The following ZNF782 variants were observed in gnomAD, a reference collection of about 807,000 sequenced individuals.
ZNF782 encodes the protein zinc finger protein 782.
Under a neutral mutation model 13.0 loss-of-function variants are expected in ZNF782, and 12 were observed. That is an observed-to-expected ratio of 0.92 (90% CI 0.59 to 1.50). The LOEUF is 1.50. ZNF782 is among the 40% of genes most tolerant of loss of function. ZNF782 has a pLI of 0.00. For synonymous variants in ZNF782, 284 were observed against 283.0 expected, an observed-to-expected ratio of 1.00 and a Z score of -0.04; for missense variants, 770 against 822.9, an observed-to-expected ratio of 0.94 and a Z score of 0.79.
chr9:96,913,319 A>G, the ZNF782 span, among the ~76,000 whole-genome samples: 3 of 151,948 alleles, frequency 2.0e-5, no homozygotes, highest in African/African-American at 7.2e-5. Flanking sequence ...CATTTCAAAA[A>G]ATTTTAAAAA....
chr9:96,818,776 T>C lies in ZNF782; in HGVS notation c.1247A>G (p.His416Arg). The C allele has an allele frequency of 2.5e-6, 4 of 1,614,114 alleles. No individual in the cohort carries two copies. The highest frequency in any genetic ancestry group is 3.4e-6 in the Non-Finnish European group (4 of 1,179,988). Residue 416 changes from histidine (H) to arginine (R), a missense_variant, in exon 6 of 6, where the codon CAC becomes CGC. Physicochemically the swap from His to Arg is conservative, Grantham distance 29 (BLOSUM62 0). Coordinates refer to ENST00000481138, the MANE Select transcript of ZNF782 (RefSeq NM_001001662.3). The stretch of plus-strand genomic sequence containing the variant: ...ACATTTGTATGGTTTCTCTCCCGTG[T>C]GAGTTCTCTGATGTTTTCTTAGGCG... ...KSRLRKHQRT[H>R]TGEKPYKCDG... is the part of the protein sequence containing the mutation.
chr9:96,837,227 G>A (rs1378871665), intron 4 of ZNF782, among the ~76,000 whole-genome samples: 1 of 152,154 alleles, frequency 6.6e-6, no homozygotes, highest in African/African-American at 2.4e-5. Flanking sequence ...AATGGTACTA[G>A]ACACTACTTA....
At chr9:96,917,887 C>CGCGTGTGTGTGTGTGTGTGT in the ZNF782 span, among the ~76,000 whole-genome samples, 1 of 121,682 alleles carries the variant, frequency 8.2e-6, no homozygotes, top group African/African-American at 3.6e-5. Flanking sequence ...CCACCCTTGG[C>CGCGTGTGTGTGTGTGTGTGT]GTGTGTGTGT....
the ZNF782 span, chr9:96,929,048 T>C: frequency 6.2e-7 from 1 of 1,610,618 alleles, no homozygotes; most frequent in Non-Finnish European, 8.5e-7. Flanking sequence ...GAGGTGAGCC[T>C]GTAGGGATGG....
chr9:96,899,828 C>T, the ZNF782 span, among the ~76,000 whole-genome samples: 1 of 152,054 alleles, frequency 6.6e-6, no homozygotes, highest in Non-Finnish European at 1.5e-5. Flanking sequence ...GAGACAGGGT[C>T]TTCCTCTGTC....
the ZNF782 span, among the ~76,000 whole-genome samples, chr9:96,880,697 G>A: frequency 6.6e-6 from 1 of 152,094 alleles, no homozygotes; most frequent in African/African-American, 2.4e-5. Flanking sequence ...ACTGATATTT[G>A]TTGTAAACTT....
chr9:96,821,207 T>C (rs902363250), intron 5 of ZNF782, among the ~76,000 whole-genome samples: 1 of 152,190 alleles, frequency 6.6e-6, no homozygotes, highest in Non-Finnish European at 1.5e-5. Flanking sequence ...GAAAAGAAGG[T>C]TTTACACTAA....
intron 4 of ZNF782, among the ~76,000 whole-genome samples, chr9:96,844,587 T>C (rs1389383693): frequency 6.6e-6 from 1 of 152,038 alleles, no homozygotes; most frequent in Non-Finnish European, 1.5e-5. Context: ...GAGGAAGGGA[T>C]GGAGGGAGGG....
At chr9:96,885,872 G>C in the ZNF782 span, among the ~76,000 whole-genome samples, 1 of 151,544 alleles carries the variant, frequency 6.6e-6, no homozygotes, top group Non-Finnish European at 1.5e-5. Flanking sequence ...GACAGAGACA[G>C]AGTCTCACTC....
intron 1 of ZNF782, among the ~76,000 whole-genome samples, chr9:96,874,743 A>C (rs1475676685): frequency 6.6e-6 from 1 of 152,184 alleles, no homozygotes; most frequent in Non-Finnish European, 1.5e-5. Flanking sequence ...TCCTGTTCCC[A>C]GTGGCCCCCT....
chr9:96,872,133 G>T (rs1851836297), intron 1 of ZNF782, among the ~76,000 whole-genome samples: 1 of 152,206 alleles, frequency 6.6e-6, no homozygotes, highest in Admixed American at 6.5e-5. Context: ...CTTAGAGATT[G>T]AAGTATTGAC....
chr9:96,903,502 C>T, the ZNF782 span, among the ~76,000 whole-genome samples: 22 of 149,120 alleles, frequency 1.5e-4, no homozygotes, highest in African/African-American at 5.0e-4. Flanking sequence ...TATGAAACAC[C>T]GCTATACAAG....
intron 1 of ZNF782, among the ~76,000 whole-genome samples, chr9:96,866,376 A>G (rs1234556738): frequency 6.6e-6 from 1 of 152,210 alleles, no homozygotes; most frequent in Non-Finnish European, 1.5e-5. Flanking sequence ...GGAAGCCCCA[A>G]GCCTTGGAAG....
Position 96,838,107 on chromosome 9 carries a change from G to A in ZNF782, c.142+6783C>T, listed in dbSNP as rs151319364. On this transcript the variant is annotated intron_variant, in intron 4 of 5. Coordinates refer to ENST00000481138, the MANE Select transcript of ZNF782 (RefSeq NM_001001662.3). ...CATTTCACAAATTTCTTGTACTTTC[G>A]TTTTCAAAAAATTATACTGAGAATT... is the stretch of plus-strand genomic sequence containing the variant. Among the ~76,000 whole-genome samples the A allele has an allele frequency of 3.4e-4, 52 of 152,078 alleles. No homozygotes were observed. In the East Asian group the frequency reaches 8.7e-3, roughly 25 times the overall value.
chr9:96,903,829 T>A, the ZNF782 span, among the ~76,000 whole-genome samples: 1 of 151,906 alleles, frequency 6.6e-6, no homozygotes, highest in Non-Finnish European at 1.5e-5. Context: ...CCCAAAGTGC[T>A]GGGATTACAG....
At chr9:96,856,786 T>A (rs1030242683), upstream of ZNF782, among the ~76,000 whole-genome samples, 1 of 152,246 alleles carries the variant, frequency 6.6e-6, no homozygotes, top group African/African-American at 2.4e-5. Flanking sequence ...GGCAGCTGTT[T>A]CCACCTTAAA....
chr9:96,859,006 G>A (rs1458199861), upstream of ZNF782, among the ~76,000 whole-genome samples: 5 of 151,536 alleles, frequency 3.3e-5, no homozygotes, highest in East Asian at 1.9e-4. Flanking sequence ...GCCCACCCAC[G>A]GAGGGAACAT....
At chr9:96,916,528 G>C in the ZNF782 span, among the ~76,000 whole-genome samples, 1 of 151,854 alleles carries the variant, frequency 6.6e-6, no homozygotes, top group African/African-American at 2.4e-5. Context: ...TATCCGGAAC[G>C]CCTTCCGTCA....
At chr9:96,834,637 G>A (rs577743485) in intron 4 of ZNF782, among the ~76,000 whole-genome samples, 29 of 152,304 alleles carry the variant, frequency 1.9e-4, no homozygotes, top group Non-Finnish European at 3.7e-4. Flanking sequence ...GTCCTCACCC[G>A]ATGAAGCTGT....
Sources: allele counts gnomAD v4.1 joint callset (sites outside exome capture counted in the v4.1 genomes callset), GRCh38; gene constraint gnomAD v4.1.1; transcripts MANE v1.5; gene names NCBI Gene and HGNC (gene_info 2026-07-23, HGNC 2026-07-21).